Variants in LAMC3 observed in about 807,000 individuals in gnomAD.
The protein encoded by LAMC3 is laminin subunit gamma-3.
LAMC3 carries 128 observed loss-of-function variants against 173.8 expected under a neutral mutation model. The observed-to-expected ratio is 0.74, with a 90% confidence interval of 0.64 to 0.85. LAMC3 has a LOEUF of 0.85. Among genes scored for constraint, LAMC3 ranks in the 40% least tolerant of loss-of-function variants. The pLI, the probability that LAMC3 is intolerant of heterozygous loss-of-function variation, is 0.00. For synonymous variants in LAMC3, 897 were observed against 909.1 expected (o/e 0.99, Z 0.24); for missense variants, 2,022 against 2,156.0 (o/e 0.94, Z 1.23).
At position 131,029,082 on chromosome 9, in the gene LAMC3, C is replaced by T. The variant is rs181134559; in HGVS notation, c.678+2493C>T. On this transcript the variant is annotated intron_variant, in intron 2 of 27. Coordinates refer to ENST00000361069, the MANE Select transcript of LAMC3 (RefSeq NM_006059.4). This position sits in a 1 kb window ranked among gnomAD's most constrained non-coding sequence, Gnocchi z 4.6. ...ATTCTGTGTGGCCCGAGGCCCCCAC[C>T]GCAAATCACATCATCCGCATAGACT... Among the ~76,000 whole-genome samples, 119 of 152,314 alleles carry T rather than the reference C, an allele frequency of 7.8e-4. No homozygotes were observed. The highest frequency in any genetic ancestry group is 2.8e-3 in the African/African-American group (117 of 41,580).
At chr9:131,078,266 C>T (rs1007180662) in intron 22 of LAMC3, among the ~76,000 whole-genome samples, 7 of 151,918 alleles carry the variant, frequency 4.6e-5, no homozygotes, top group East Asian at 1.9e-4. Flanking sequence ...CTGAGGCGGG[C>T]GGATCACGAG....
At chr9:131,038,618 T>C (rs1297942855) in intron 4 of LAMC3, among the ~76,000 whole-genome samples, 1 of 152,238 alleles carries the variant, frequency 6.6e-6, no homozygotes, top group Non-Finnish European at 1.5e-5. Flanking sequence ...TGGTCTTCTT[T>C]CTGCCTGTTG....
chr9:131,032,628 CTCTCTT>C lies in LAMC3; in HGVS notation c.809+454_809+459del, dbSNP rs1410575428. Among the ~76,000 whole-genome samples the C allele has an allele frequency of 2.6e-5, 4 of 151,348 alleles. No individual in the cohort carries two copies. The East Asian group carries it at 7.8e-4, about 30-fold the overall frequency. On this transcript the variant is annotated intron_variant, in intron 3 of 27. Coordinates refer to ENST00000361069, the MANE Select transcript of LAMC3 (RefSeq NM_006059.4). ...TCTCTCTCTCTCTCTCTCTCTCACT[CTCTCTT>C]GCTCTCTCGCTCTCACTCACTCTCT... is the stretch of plus-strand genomic sequence containing the variant.
rs755978995 is a variant in LAMC3, at chr9:131,068,257, C to A, written c.2747+26C>A. The A allele has an allele frequency of 3.7e-6, 6 of 1,601,374 alleles. No homozygotes were observed. In the Admixed American group the frequency reaches 6.7e-5, roughly 18 times the overall value. ...GTAGGTAGGGTGAGACTGCCGGTGC[C>A]CTGGGGACCTCTCCAGGAGGGAAGA... On this transcript the variant is annotated intron_variant, in intron 15 of 27. Transcript: ENST00000361069.
intron 13 of LAMC3, among the ~76,000 whole-genome samples, 156 bp downstream of exon 13, chr9:131,061,379 G>A (rs2060051803): frequency 6.6e-6 from 1 of 152,192 alleles, no homozygotes; most frequent in Non-Finnish European, 1.5e-5. Context: ...CTGAGGACAC[G>A]GAATCCCTCA....
intron 2 of LAMC3, among the ~76,000 whole-genome samples, chr9:131,027,832 G>A (rs894309416): frequency 6.6e-6 from 1 of 152,190 alleles, no homozygotes; most frequent in Non-Finnish European, 1.5e-5. Flanking sequence ...AGGACGGCTG[G>A]CCTGTCGCCA....
chr9:131,061,002 G>C lies in LAMC3; in HGVS notation c.2159-33G>C, dbSNP rs767637806. On this transcript the variant is annotated intron_variant, in intron 12 of 27. Transcript: ENST00000361069. Reference sequence around the variant, plus strand: ...ATGCCCACCATCTCTGGGCATTCTGGGTTCAGACAGTGGTGCTTGTCTTGC... The same window carrying C: ...ATGCCCACCATCTCTGGGCATTCTGCGTTCAGACAGTGGTGCTTGTCTTGC... 6.2e-6 allele frequency: 10 copies of C among 1,610,398 alleles called. No individual in the cohort carries two copies. In the South Asian group the frequency reaches 1.1e-4, roughly 18 times the overall value.
At chr9:131,045,439 C>T in intron 7 of LAMC3, 85 bp from the exon 8 acceptor site, 2 of 1,491,040 alleles carry the variant, frequency 1.3e-6, no homozygotes, top group Non-Finnish European at 1.9e-6. Flanking sequence ...TCTAGACTCT[C>T]ATTGGTCCAG....
chr9:131,059,026 T>G (rs1433507622), intron 12 of LAMC3, among the ~76,000 whole-genome samples: 13 of 151,010 alleles, frequency 8.6e-5, no homozygotes, highest in Non-Finnish European at 1.9e-4. Context: ...GGTGAAACCC[T>G]GTCTCTACTA....
At chr9:131,067,335 C>G in intron 14 of LAMC3, 130 bp downstream of exon 14, 1 of 1,169,584 alleles carries the variant, frequency 8.6e-7, no homozygotes, top group Non-Finnish European at 1.2e-6. Context: ...GGCTGTCCAG[C>G]CTCAGGCAGG....
chr9:131,081,889 A>G (rs1294965313), intron 23 of LAMC3, among the ~76,000 whole-genome samples, 170 bp from the exon 24 acceptor site: 1 of 152,148 alleles, frequency 6.6e-6, no homozygotes, highest in African/African-American at 2.4e-5. Context: ...TCGGAGTTCA[A>G]CTTTTGTATA....
chr9:131,062,056 A>G (rs1006874120), intron 13 of LAMC3, among the ~76,000 whole-genome samples: 6 of 151,748 alleles, frequency 4.0e-5, no homozygotes, highest in African/African-American at 1.2e-4. Flanking sequence ...ATATCCAAAA[A>G]AAATTTTTTT....
chr9:131,050,533 GT>G (rs879853116), intron 9 of LAMC3, among the ~76,000 whole-genome samples: 166 of 152,210 alleles, frequency 1.1e-3, no homozygotes, highest in Non-Finnish European at 2.0e-3. Flanking sequence ...GGAGGCTGAG[GT>G]TGGGGGGGAT....
chr9:131,074,239 C>A (rs759718018), intron 20 of LAMC3, among the ~76,000 whole-genome samples: 2 of 151,484 alleles, frequency 1.3e-5, no homozygotes, highest in Non-Finnish European at 2.9e-5. Context: ...TGAGCCACCG[C>A]GCCCGGCCAG....
At chr9:131,053,964 C>T (rs1440728767) in intron 11 of LAMC3, among the ~76,000 whole-genome samples, 3 of 151,686 alleles carry the variant, frequency 2.0e-5, no homozygotes, top group East Asian at 3.9e-4. Context: ...GACTGTGCCA[C>T]TGCACTCCAG....
intron 17 of LAMC3, among the ~76,000 whole-genome samples, chr9:131,070,484 G>A (rs1460774163): frequency 2.0e-5 from 3 of 152,098 alleles, no homozygotes; most frequent in African/African-American, 4.8e-5. Flanking sequence ...AGGCTGAGGC[G>A]GGCAGATCGT....
chr9:131,088,957 T>C (rs977455246), intron 27 of LAMC3, among the ~76,000 whole-genome samples: 1 of 152,138 alleles, frequency 6.6e-6, no homozygotes, highest in Non-Finnish European at 1.5e-5. Flanking sequence ...TGGTGGCACA[T>C]GCCTGTAATC....
intron 3 of LAMC3, among the ~76,000 whole-genome samples, chr9:131,032,557 G>GCTCTCTCTCGCT (rs1554784109): frequency 2.3e-5 from 3 of 132,104 alleles, no homozygotes; most frequent in African/African-American, 5.8e-5. Flanking sequence ...GCTCTCTCTC[G>GCTCTCTCTCGCT]CTCTCTCTCT....
Position 131,041,584 on chromosome 9 carries a change from C to A in LAMC3, c.1284-53C>A, listed in dbSNP as rs531560902. On this transcript the variant is annotated intron_variant, in intron 6 of 27. Transcript: ENST00000361069. ...GCTCCCTTCCTAGGATGGGCTGTTG[C>A]CATTCTGAATTTGCTCATTGCACAT... The A allele has an allele frequency of 2.6e-6, 4 of 1,511,460 alleles. No individual in the cohort carries two copies. In the African/African-American group the frequency reaches 4.1e-5, roughly 16 times the overall value. The allele number at this position is 1,511,460 out of a possible 1,614,324, so 93.6% of individuals were successfully genotyped here. A position where few individuals can be genotyped will look rare whatever the true frequency, so the allele number is the denominator to read the frequency against.
Sources: allele counts gnomAD v4.1 joint callset (sites outside exome capture counted in the v4.1 genomes callset), GRCh38; gene constraint gnomAD v4.1.1; non-coding constraint Gnocchi (gnomAD v3.1); transcripts MANE v1.5; gene names NCBI Gene and HGNC (gene_info 2026-07-23, HGNC 2026-07-21).